The following L3MBTL4 variants were observed in gnomAD, a reference collection of about 807,000 sequenced individuals.
L3MBTL4 encodes lethal(3)malignant brain tumor-like protein 4.
L3MBTL4 carries 70 observed loss-of-function variants against 84.5 expected under a neutral mutation model. That is an observed-to-expected ratio of 0.83 (90% confidence interval 0.68 to 1.01). L3MBTL4 has a LOEUF of 1.01. Among genes scored for constraint, L3MBTL4 ranks in the 50% least tolerant of loss-of-function variants. The pLI is 0.00. For synonymous variants in L3MBTL4, 274 were observed against 259.8 expected (o/e 1.05, Z -0.52); for missense variants, 715 against 754.8 (o/e 0.95, Z 0.62).
intron 16 of L3MBTL4, among the ~76,000 whole-genome samples, chr18:5,993,781 C>G (rs1007246943): frequency 6.6e-6 from 1 of 152,112 alleles, no homozygotes; most frequent in African/African-American, 2.4e-5. Flanking sequence ...TTATTTCCTA[C>G]AAGGACACAA....
chr18:6,404,608 G>A (rs942182277), intron 1 of L3MBTL4, among the ~76,000 whole-genome samples: 1 of 152,122 alleles, frequency 6.6e-6, no homozygotes, highest in African/African-American at 2.4e-5. Context: ...ACCTTGAAGG[G>A]AACTGGATAA....
intron 1 of L3MBTL4, among the ~76,000 whole-genome samples, chr18:6,366,695 G>A (rs1201809303): frequency 1.3e-5 from 2 of 152,134 alleles, no homozygotes; most frequent in Non-Finnish European, 2.9e-5. Flanking sequence ...TTCCCAGCCA[G>A]AATCTAGTTG....
chr18:5,966,557 T>C (rs766491531), intron 17 of L3MBTL4, among the ~76,000 whole-genome samples: 48 of 152,124 alleles, frequency 3.2e-4, no homozygotes, highest in African/African-American at 1.1e-3. Flanking sequence ...ACTCACACCT[T>C]GGGAAATGCA....
chr18:6,030,481 T>C (rs1184875240), intron 16 of L3MBTL4: 7 of 976,798 alleles, frequency 7.2e-6, no homozygotes, highest in Non-Finnish European at 8.5e-6. Flanking sequence ...AAGTATTAGG[T>C]TTATTTTAAT....
chr18:6,100,498 C>T (rs936043634), intron 14 of L3MBTL4, among the ~76,000 whole-genome samples: 1 of 152,150 alleles, frequency 6.6e-6, no homozygotes, highest in Admixed American at 6.5e-5. Flanking sequence ...TGTTCATGGC[C>T]TTTTCTCACT....
At chr18:6,019,069 T>C (rs1328141125) in intron 16 of L3MBTL4, among the ~76,000 whole-genome samples, 25 of 152,232 alleles carry the variant, frequency 1.6e-4, no homozygotes, top group Non-Finnish European at 1.5e-5. Flanking sequence ...GCATGGATAT[T>C]ACCTACAGCT....
At chr18:6,336,534 G>A (rs1389858905) in intron 1 of L3MBTL4, among the ~76,000 whole-genome samples, 1 of 152,128 alleles carries the variant, frequency 6.6e-6, no homozygotes, top group Non-Finnish European at 1.5e-5. Context: ...ACTCAACAAG[G>A]AGAAGAGGTG....
chr18:6,370,444 A>G (rs1379367403), intron 1 of L3MBTL4, among the ~76,000 whole-genome samples: 8 of 152,194 alleles, frequency 5.3e-5, no homozygotes, highest in African/African-American at 1.9e-4. Flanking sequence ...AGGTTCTTCA[A>G]TGGGAACCCA....
chr18:6,131,838 A>G (rs2059888680), intron 14 of L3MBTL4, among the ~76,000 whole-genome samples: 3 of 152,248 alleles, frequency 2.0e-5, no homozygotes. Flanking sequence ...AGCTATATAA[A>G]TTTAGACTAT....
chr18:6,097,313 T>A (rs2058672746), intron 14 of L3MBTL4, among the ~76,000 whole-genome samples: 1 of 152,238 alleles, frequency 6.6e-6, no homozygotes, highest in Non-Finnish European at 1.5e-5. Flanking sequence ...GATTACAATT[T>A]AAAAGAATAT....
At chr18:5,967,446 C>T (rs2052409453) in intron 17 of L3MBTL4, among the ~76,000 whole-genome samples, 1 of 152,262 alleles carries the variant, frequency 6.6e-6, no homozygotes, top group Non-Finnish European at 1.5e-5. Flanking sequence ...GTGAAACTCA[C>T]TTCCATGCAG....
chr18:6,030,873 T>C, intron 16 of L3MBTL4: 1 of 985,206 alleles, frequency 1.0e-6, no homozygotes, highest in Non-Finnish European at 1.2e-6. Flanking sequence ...CACTGTAGGA[T>C]ATAAACAACC....
intron 16 of L3MBTL4, among the ~76,000 whole-genome samples, chr18:6,045,601 A>G (rs66635999): frequency 0.24 from 35,810 of 152,068 alleles, 4,527 homozygotes; most frequent in Middle Eastern, 0.33. Flanking sequence ...ATCAGACCTC[A>G]TGAGACTCAC....
At chr18:5,962,926 G>C (rs1167257111) in intron 17 of L3MBTL4, among the ~76,000 whole-genome samples, 2 of 152,214 alleles carry the variant, frequency 1.3e-5, no homozygotes, top group South Asian at 2.1e-4. Flanking sequence ...CTACTCACTA[G>C]GTGCCAGTAG....
intron 16 of L3MBTL4, among the ~76,000 whole-genome samples, chr18:6,051,715 G>A (rs918339734): frequency 6.6e-6 from 1 of 152,176 alleles, no homozygotes; most frequent in African/African-American, 2.4e-5. Flanking sequence ...CCACCTTCCT[G>A]TATTTGTGGG....
chr18:6,283,633 C>A (rs2049423084), intron 4 of L3MBTL4, among the ~76,000 whole-genome samples: 1 of 152,038 alleles, frequency 6.6e-6, no homozygotes, highest in African/African-American at 2.4e-5. Flanking sequence ...TAAGCTGTTC[C>A]AAAAAATACC....
intron 16 of L3MBTL4, among the ~76,000 whole-genome samples, chr18:6,042,279 A>G (rs969787156): frequency 6.6e-6 from 1 of 151,714 alleles, no homozygotes; most frequent in Admixed American, 6.6e-5. Flanking sequence ...GGTAAGTTCA[A>G]CCTCTCCTTC....
At chr18:6,239,695 T>C (rs750949606) in intron 9 of L3MBTL4, 23 bp downstream of exon 9, 1 of 1,607,066 alleles carries the variant, frequency 6.2e-7, no homozygotes, top group Non-Finnish European at 8.5e-7. Flanking sequence ...TACACAAAAA[T>C]AAAACACACA....
intron 13 of L3MBTL4, among the ~76,000 whole-genome samples, chr18:6,152,189 C>T (rs191863019): frequency 6.6e-6 from 1 of 152,228 alleles, no homozygotes; most frequent in Admixed American, 6.5e-5. Context: ...ACGCAATGAA[C>T]ATAGGGGTAC....
Sources: gnomAD v4.1 joint callset for allele counts (sites outside exome capture counted in the v4.1 genomes callset) on GRCh38, gnomAD v4.1.1 for gene constraint, MANE v1.5 for transcripts, NCBI Gene and HGNC (gene_info 2026-07-23, HGNC 2026-07-21) for gene names.